SI: variants seen among roughly 807,000 people sequenced by gnomAD.
The protein encoded by SI is sucrase-isomaltase.
A neutral mutation model predicts 253.3 loss-of-function variants in SI; 235 were observed. That is an observed-to-expected ratio of 0.93 (90% CI 0.83 to 1.03). The LOEUF is 1.03. Ranked by LOEUF, SI falls within the 50% of genes least tolerant of loss-of-function variation. The probability of loss-of-function intolerance (pLI) is 0.00; values close to 1 mark genes in which losing one functional copy is unlikely to be tolerated. For synonymous variants in SI, 819 were observed against 712.0 expected (o/e 1.15, Z -2.39); for missense variants, 2,442 against 2,211.1 (o/e 1.10, Z -2.09).
chr3:165,019,559 T>A (rs551532071), intron 28 of SI, 43 bp downstream of exon 28: 1 of 1,577,744 alleles, frequency 6.3e-7, no homozygotes, highest in Non-Finnish European at 8.7e-7. Context: ...ATTCTACTCA[T>A]GGTCTTAGTT....
In SI at chr3:165,017,593, C is replaced by T. The variant is rs1312107320; in HGVS notation, c.3714G>A (p.Glu1238=). The part of the protein sequence containing the change: ...LCRYGYANTS[E]VRELYDAMVA... ...CCATAGCGTCATATAATTCCCGAAC[C>T]TCTGAAGTATTTGCATATCCATAAC... The change falls in exon 31 of 48, where the codon GAG becomes GAA. Residue 1238 remains glutamate (E), a synonymous_variant. Coordinates refer to ENST00000264382, the MANE Select transcript of SI (RefSeq NM_001041.4). The T allele has an allele frequency of 6.2e-7, 1 of 1,612,632 alleles. No individual in the cohort carries two copies. Among genetic ancestry groups the T allele is most frequent in the Admixed American group, 1.7e-5 (1 of 59,916 alleles).
chr3:165,080,646 G>A (rs560076173), upstream of SI, among the ~76,000 whole-genome samples: 5 of 151,860 alleles, frequency 3.3e-5, no homozygotes, highest in Non-Finnish European at 7.4e-5. Context: ...GCCAACTATC[G>A]CAAGGACAAA....
chr3:165,067,188 C>T (rs527618303), intron 6 of SI, 152 bp downstream of exon 6: 1 of 581,744 alleles, frequency 1.7e-6, no homozygotes, highest in East Asian at 2.9e-5. Context: ...CCACAAGAAA[C>T]CAAACTCCTT....
upstream of SI, among the ~76,000 whole-genome samples, chr3:165,080,341 G>A (rs1715264777): frequency 6.6e-6 from 1 of 151,856 alleles, no homozygotes; most frequent in African/African-American, 2.4e-5. Context: ...GTTTTAACTA[G>A]TCCTCCTTTA....
At chr3:165,065,715 A>G (rs1300072665) in intron 6 of SI, among the ~76,000 whole-genome samples, 2 of 151,426 alleles carry the variant, frequency 1.3e-5, no homozygotes, top group East Asian at 3.9e-4. Context: ...TCACATTTCA[A>G]AGATGACACA....
chr3:165,042,236 G>C (rs981500426), intron 17 of SI, among the ~76,000 whole-genome samples: 2 of 152,034 alleles, frequency 1.3e-5, no homozygotes, highest in Non-Finnish European at 2.9e-5. Context: ...TATCATTTCG[G>C]TGTATTAGGA....
chr3:165,065,839 A>T (rs115007225), intron 6 of SI, among the ~76,000 whole-genome samples: 1 of 151,978 alleles, frequency 6.6e-6, no homozygotes, highest in Non-Finnish European at 1.5e-5. Context: ...ACAGTATTTT[A>T]CTGGCTTCCA....
chr3:165,007,002 C>T (rs756582385), intron 36 of SI, 48 bp from the exon 37 acceptor site: 34 of 1,302,484 alleles, frequency 2.6e-5, no homozygotes, highest in Non-Finnish European at 3.5e-5. Flanking sequence ...CAGTGCCCTA[C>T]AATGAAACGT....
chr3:165,051,583 A>C (rs776706775), intron 13 of SI, among the ~76,000 whole-genome samples: 1 of 152,082 alleles, frequency 6.6e-6, no homozygotes, highest in African/African-American at 2.4e-5. Flanking sequence ...TTAAATTTTT[A>C]AAAAACTGCT....
rs576949946 is a variant in SI at position 165,019,849 on chromosome 3, C to A, written c.3255-79G>T. On this transcript the variant is annotated intron_variant, in intron 27 of 47. Transcript: ENST00000264382. ...TCACAAATAATAACGGTAATTCTTT[C>A]TTAGATTATCTAAAAATCAATATTA... The A allele has an allele frequency of 8.4e-5, 103 of 1,221,222 alleles. No homozygotes were observed. In the African/African-American group the frequency reaches 1.5e-3, roughly 18 times the overall value. 75.6% of individuals were successfully genotyped at this position (1,221,222 alleles called of 1,614,324 possible). A position where few individuals can be genotyped will look rare whatever the true frequency, so the allele number is the denominator to read the frequency against.
At chr3:165,079,284 A>G (rs1715196975), upstream of SI, among the ~76,000 whole-genome samples, 1 of 151,676 alleles carries the variant, frequency 6.6e-6, no homozygotes, top group South Asian at 2.1e-4. Context: ...TAAAAGAATT[A>G]TATGAGCTAA....
At chr3:165,041,676 A>G (rs1712843452) in intron 17 of SI, among the ~76,000 whole-genome samples, 1 of 152,090 alleles carries the variant, frequency 6.6e-6, no homozygotes, top group African/African-American at 2.4e-5. Flanking sequence ...TTTGTAGTGC[A>G]GCCTCTCTAC....
At chr3:165,061,248 A>G (rs894023905) in intron 9 of SI, among the ~76,000 whole-genome samples, 2 of 151,896 alleles carry the variant, frequency 1.3e-5, no homozygotes, top group African/African-American at 4.8e-5. Context: ...TGCTGACTTT[A>G]CTTAACATGT....
intron 2 of SI, 76 bp downstream of exon 2, chr3:165,075,819 A>G: frequency 2.2e-6 from 2 of 898,034 alleles, no homozygotes; most frequent in Non-Finnish European, 3.7e-6. Flanking sequence ...ATTATTTTTT[A>G]AAACCTATAA....
rs183721566 is a variant in SI at position 165,024,727 on chromosome 3, T to A, written c.2893-951A>T. ...TTTTTAACAGCATAAACTGATTTTATTTTTCTCATTTTTTTAGAGTAAATG... is the reference window on the plus strand; with the variant it reads ...TTTTTAACAGCATAAACTGATTTTAATTTTCTCATTTTTTTAGAGTAAATG... On this transcript the variant is annotated intron_variant, in intron 25 of 47. Coordinates refer to ENST00000264382, the MANE Select transcript of SI (RefSeq NM_001041.4). 1.7e-3 allele frequency among the ~76,000 whole-genome samples: 258 copies of A among 151,402 alleles called. 1 individual carries two copies. The highest frequency in any genetic ancestry group is 1.9e-3 in the Non-Finnish European group (127 of 67,510).
chr3:165,037,728 A>G (rs1712600443), intron 21 of SI, among the ~76,000 whole-genome samples, 172 bp downstream of exon 21: 1 of 151,872 alleles, frequency 6.6e-6, no homozygotes, highest in South Asian at 2.1e-4. Context: ...TTATAATAAT[A>G]TAAATAATTT....
chr3:164,988,066 G>T (rs1382748461), intron 44 of SI, among the ~76,000 whole-genome samples: 2 of 152,166 alleles, frequency 1.3e-5, no homozygotes, highest in Non-Finnish European at 2.9e-5. Flanking sequence ...AGGGCTACTT[G>T]TGAACTAAAT....
chr3:164,989,336 C>G (rs929607104), intron 44 of SI, among the ~76,000 whole-genome samples: 31 of 120,092 alleles, frequency 2.6e-4, no homozygotes, highest in African/African-American at 9.9e-4. Flanking sequence ...AAGACTCTGT[C>G]AAAAAAAAGA....
chr3:164,983,445 T>C (rs1250658607), intron 45 of SI, among the ~76,000 whole-genome samples: 2 of 151,924 alleles, frequency 1.3e-5, no homozygotes, highest in African/African-American at 2.4e-5. Flanking sequence ...CAAAATAATA[T>C]AAAGGAAAAA....
Sources: allele counts gnomAD v4.1 joint callset (sites outside exome capture counted in the v4.1 genomes callset), GRCh38; gene constraint gnomAD v4.1.1; transcripts MANE v1.5; gene names NCBI Gene and HGNC (gene_info 2026-07-23, HGNC 2026-07-21).